CSMD1: variants seen among roughly 807,000 people sequenced by gnomAD.
The protein encoded by CSMD1 is CUB and Sushi multiple domains 1.
Under a neutral mutation model 417.5 loss-of-function variants are expected in CSMD1, and 213 were observed. The ratio of observed to expected loss-of-function variants is 0.51; its 90% CI spans 0.46 to 0.57. CSMD1 has a LOEUF of 0.57. Ranked by LOEUF, CSMD1 falls within the 20% of genes least tolerant of loss-of-function variation. The probability of loss-of-function intolerance (pLI) is 0.00; values close to 1 mark genes in which losing one functional copy is unlikely to be tolerated. For missense variants in CSMD1, 6,923 were observed against 4,529.7 expected (o/e 1.53, Z -15.17); for synonymous variants, 2,862 against 1,736.8 (o/e 1.65, Z -16.11).
intron 39 of CSMD1, among the ~76,000 whole-genome samples, chr8:3,155,045 C>T (rs944087695): frequency 2.0e-5 from 3 of 152,062 alleles, no homozygotes; most frequent in Admixed American, 2.0e-4. Context: ...GTTGACATAA[C>T]TTAAACATGT....
At chr8:4,008,115 TAA>T (rs1446092492) in intron 4 of CSMD1, among the ~76,000 whole-genome samples, 1 of 152,090 alleles carries the variant, frequency 6.6e-6, no homozygotes, top group Non-Finnish European at 1.5e-5. Flanking sequence ...CTGCATGAAA[TAA>T]AGTCAAGGCA....
In CSMD1 at chr8:4,724,518, ATATGTG is replaced by A. The variant is rs1252086238; in HGVS notation, c.86-86966_86-86961del. Among the ~76,000 whole-genome samples the A allele has an allele frequency of 6.8e-4, 94 of 138,272 alleles. 1 individual carries two copies. In the South Asian group the frequency reaches 0.016, roughly 23 times the overall value. The allele number at this position is 138,272 out of a possible 152,430, so 90.7% of individuals were successfully genotyped here. On this transcript the variant is annotated intron_variant, in intron 1 of 69. Coordinates refer to ENST00000635120, the MANE Select transcript of CSMD1 (RefSeq NM_033225.6). ...ACTAATATAGTAGCTCTTTATATAT[ATATGTG>A]TGTGTGTGTGTGTGTGTGTGTGTGT...
At chr8:4,717,215 T>C (rs1258302725) in intron 1 of CSMD1, among the ~76,000 whole-genome samples, 1 of 151,000 alleles carries the variant, frequency 6.6e-6, no homozygotes, top group Non-Finnish European at 1.5e-5. Flanking sequence ...TATTAACAGG[T>C]TCCAAATACA....
chr8:3,145,662 A>T (rs1290688071), intron 40 of CSMD1, among the ~76,000 whole-genome samples: 7 of 152,234 alleles, frequency 4.6e-5, no homozygotes, highest in African/African-American at 1.7e-4. Flanking sequence ...TTAAAATAGA[A>T]TTATCTAGCT....
chr8:3,081,115 G>C (rs1354756905), intron 49 of CSMD1, among the ~76,000 whole-genome samples: 1 of 152,170 alleles, frequency 6.6e-6, no homozygotes, highest in African/African-American at 2.4e-5. Flanking sequence ...GGGACACAGT[G>C]GCATCCACAT....
At chr8:4,474,914 A>T (rs1800719622) in intron 2 of CSMD1, among the ~76,000 whole-genome samples, 1 of 152,186 alleles carries the variant, frequency 6.6e-6, no homozygotes, top group African/African-American at 2.4e-5. Flanking sequence ...CTATACATAT[A>T]ACATACAAAA....
chr8:3,275,956 G>A (rs1802256840), intron 26 of CSMD1, among the ~76,000 whole-genome samples: 1 of 152,178 alleles, frequency 6.6e-6, no homozygotes, highest in Non-Finnish European at 1.5e-5. Context: ...GTTCAGCTTT[G>A]TTCCGTTGCT....
At chr8:4,746,781 G>A (rs1392036254) in intron 1 of CSMD1, among the ~76,000 whole-genome samples, 2 of 152,116 alleles carry the variant, frequency 1.3e-5, no homozygotes, top group Non-Finnish European at 2.9e-5. Context: ...CATTCTGAAG[G>A]CATCATACCA....
At chr8:4,147,392 C>G (rs1804205995) in intron 3 of CSMD1, among the ~76,000 whole-genome samples, 1 of 152,112 alleles carries the variant, frequency 6.6e-6, no homozygotes. Context: ...TCCACACTGC[C>G]TTCCCCACAT....
intron 1 of CSMD1, among the ~76,000 whole-genome samples, chr8:4,758,853 G>A (rs1309026255): frequency 2.0e-5 from 3 of 152,068 alleles, no homozygotes; most frequent in Non-Finnish European, 4.4e-5. Context: ...CAAAACCTGG[G>A]GATTACAATT....
At chr8:3,822,798 G>T (rs772970573) in intron 5 of CSMD1, among the ~76,000 whole-genome samples, 1 of 152,118 alleles carries the variant, frequency 6.6e-6, no homozygotes, top group Non-Finnish European at 1.5e-5. Context: ...TTGATTTGTG[G>T]AACAGAACTT....
At chr8:4,944,899 T>A (rs1358338908) in intron 1 of CSMD1, among the ~76,000 whole-genome samples, 1 of 152,150 alleles carries the variant, frequency 6.6e-6, no homozygotes, top group Non-Finnish European at 1.5e-5. Context: ...AATCCACTTC[T>A]GAGGATATAC....
intron 36 of CSMD1, among the ~76,000 whole-genome samples, chr8:3,182,260 T>A (rs1821381705): frequency 6.6e-6 from 1 of 152,166 alleles, no homozygotes; most frequent in African/African-American, 2.4e-5. Flanking sequence ...CAGATTTTAT[T>A]TTTTTAGATG....
intron 1 of CSMD1, among the ~76,000 whole-genome samples, chr8:4,987,033 A>G (rs1256693957): frequency 1.3e-5 from 2 of 152,222 alleles, no homozygotes; most frequent in Non-Finnish European, 2.9e-5. Context: ...ACACATATAC[A>G]GATATATCCA....
At chr8:2,969,124 G>A (rs1804217322) in intron 57 of CSMD1, among the ~76,000 whole-genome samples, 1 of 152,084 alleles carries the variant, frequency 6.6e-6, no homozygotes, top group African/African-American at 2.4e-5. Flanking sequence ...ACCATAAAAT[G>A]AGTATTATAA....
intron 2 of CSMD1, among the ~76,000 whole-genome samples, chr8:4,497,956 T>G (rs1314077977): frequency 1.3e-5 from 2 of 152,142 alleles, no homozygotes; most frequent in Admixed American, 6.5e-5. Context: ...TGGGGTTTCC[T>G]AAAGACACAA....
chr8:3,266,764 G>C (rs1303146483), intron 26 of CSMD1, among the ~76,000 whole-genome samples: 1 of 144,160 alleles, frequency 6.9e-6, no homozygotes, highest in Non-Finnish European at 1.5e-5. Context: ...GAAAGAGTGA[G>C]ACACTGTCTT....
At chr8:2,954,081 T>G in intron 65 of CSMD1, 143 bp downstream of exon 65, 2 of 437,612 alleles carry the variant, frequency 4.6e-6, no homozygotes, top group Non-Finnish European at 8.1e-6. Context: ...CATGTAAGCT[T>G]GGTGTTTTAA....
intron 3 of CSMD1, among the ~76,000 whole-genome samples, chr8:4,153,172 A>T (rs199920800): frequency 1.4e-4 from 22 of 152,330 alleles, no homozygotes; most frequent in East Asian, 1.2e-3. Context: ...GCCAGGAATA[A>T]GATAAGCAGA....
Sources: allele counts gnomAD v4.1 joint callset (sites outside exome capture counted in the v4.1 genomes callset), GRCh38; gene constraint gnomAD v4.1.1; transcripts MANE v1.5; gene names NCBI Gene and HGNC (gene_info 2026-07-23, HGNC 2026-07-21).